Variants in FANCB observed in about 807,000 individuals in gnomAD.
The protein encoded by FANCB is FA complementation group B, also known as Fanconi anemia group B protein.
In FANCB, 5 loss-of-function variants were observed where a neutral mutation model predicts 38.9. The ratio of observed to expected loss-of-function variants is 0.13; its 90% CI spans 0.07 to 0.27. The LOEUF is 0.27. Among genes scored for constraint, FANCB ranks in the 10% least tolerant of loss-of-function variants. The probability of loss-of-function intolerance (pLI) is 1.00; values close to 1 mark genes in which losing one functional copy is unlikely to be tolerated. For missense variants in FANCB, 573 were observed against 602.7 expected (o/e 0.95, Z 0.52); for synonymous variants, 236 against 215.4 (o/e 1.10, Z -0.84).
At chrX:14,826,117 T>A in the FANCB span, among the ~76,000 whole-genome samples, 1 of 112,405 alleles carries the variant, frequency 8.9e-6, no homozygotes, top group East Asian at 2.8e-4. Context: ...TAAAGAAATT[T>A]CAATCTGCCT....
At chrX:14,844,036 C>A in intron 9 of FANCB, 55 bp from the exon 10 acceptor site, 1 of 1,004,451 alleles carries the variant, frequency 1.0e-6, no homozygotes, top group South Asian at 2.0e-5. Flanking sequence ...ACAAAGCAGT[C>A]ATGTACAATA....
At chrX:14,716,915 T>A in the FANCB span, among the ~76,000 whole-genome samples, 4 of 111,485 alleles carry the variant, frequency 3.6e-5, no homozygotes, top group African/African-American at 1.3e-4. Context: ...AGTGTTACCA[T>A]CAGTACCTTC....
At chrX:14,742,335 C>A in the FANCB span, among the ~76,000 whole-genome samples, 2 of 111,593 alleles carry the variant, frequency 1.8e-5, no homozygotes, top group African/African-American at 3.3e-5. Context: ...TCTACTTCCA[C>A]GTGATTATTT....
the FANCB span, among the ~76,000 whole-genome samples, chrX:14,702,167 A>C: frequency 9.8e-5 from 11 of 111,924 alleles, no homozygotes; most frequent in Non-Finnish European, 2.1e-4. Flanking sequence ...CATCATAAAA[A>C]GTTGAGTCAG....
At position 14,868,989 on chromosome X, in the gene FANCB, C is replaced by A. The variant is rs1436950915; in HGVS notation, c.-137G>T. 1 of 111,768 alleles carries A rather than the reference C, an allele frequency of 8.9e-6. No individual in the cohort carries two copies. Among genetic ancestry groups the A allele is most frequent in the Non-Finnish European group, 1.9e-5 (1 of 53,061 alleles). 9.2% of individuals were successfully genotyped at this position (111,768 alleles called of 1,213,427 possible). On this transcript the variant is annotated 5_prime_UTR_variant, in exon 2 of 10. The change abolishes an upstream ATG in the 5' untranslated region. Coordinates refer to ENST00000650831, the MANE Select transcript of FANCB (RefSeq NM_001018113.3). ...AGGCATCACAAAGTAGTTTCAGCTT[C>A]ATCAGTAAAGAAGATAGGGTAGGTA...
At chrX:14,764,148 G>C in the FANCB span, among the ~76,000 whole-genome samples, 2 of 111,408 alleles carry the variant, frequency 1.8e-5, no homozygotes, top group African/African-American at 3.3e-5. Context: ...TCTGTTTTGG[G>C]GTCTCCCAAG....
At chrX:14,699,927 T>C in the FANCB span, among the ~76,000 whole-genome samples, 2 of 111,761 alleles carry the variant, frequency 1.8e-5, no homozygotes, top group Non-Finnish European at 3.8e-5. Flanking sequence ...GAGCTAATGA[T>C]GAGAACGCAG....
chrX:14,842,242 G>A (rs2092357284), downstream of FANCB, among the ~76,000 whole-genome samples: 1 of 111,459 alleles, frequency 9.0e-6, no homozygotes, highest in African/African-American at 3.3e-5. Context: ...TGGATTACTA[G>A]GAAAGGAGGT....
chrX:14,801,802 T>C, the FANCB span, among the ~76,000 whole-genome samples: 2 of 110,655 alleles, frequency 1.8e-5, no homozygotes, highest in African/African-American at 6.6e-5. Context: ...GCCACCCTTC[T>C]ATTTATTCTT....
the FANCB span, among the ~76,000 whole-genome samples, chrX:14,801,314 T>C: frequency 1.8e-5 from 2 of 112,244 alleles, no homozygotes; most frequent in East Asian, 5.6e-4. Flanking sequence ...ATTCATCAGC[T>C]GATACTGATC....
the FANCB span, among the ~76,000 whole-genome samples, chrX:14,706,379 C>G: frequency 8.9e-6 from 1 of 112,242 alleles, no homozygotes; most frequent in East Asian, 2.8e-4. Context: ...GCAATATGCA[C>G]AGTCTAAAAC....
chrX:14,756,932 A>G, the FANCB span, among the ~76,000 whole-genome samples: 1,544 of 111,782 alleles, frequency 0.014, 31 homozygotes, highest in African/African-American at 0.048. Context: ...CATTTCTCCA[A>G]AGATAACACA....
downstream of FANCB, among the ~76,000 whole-genome samples, chrX:14,839,106 C>A (rs1390183396): frequency 9.0e-6 from 1 of 110,787 alleles, no homozygotes; most frequent in Non-Finnish European, 1.9e-5. Flanking sequence ...TGAGCCTGGC[C>A]AACATGGTGA....
chrX:14,763,995 G>A, the FANCB span, among the ~76,000 whole-genome samples: 1 of 111,745 alleles, frequency 8.9e-6, no homozygotes, highest in African/African-American at 3.3e-5. Flanking sequence ...ATCAGCCCTG[G>A]TGCAGTGCAA....
the FANCB span, among the ~76,000 whole-genome samples, chrX:14,740,959 T>TGCACACACACACACAC: frequency 1.8e-5 from 2 of 109,200 alleles, no homozygotes; most frequent in East Asian, 2.9e-4. Flanking sequence ...CACAAACACA[T>TGCACACACACACACAC]GCACACACAC....
chrX:14,835,159 T>A (rs762620161), downstream of FANCB: 1 of 534,883 alleles, frequency 1.9e-6, no homozygotes, highest in East Asian at 3.4e-5. Context: ...GTGCAGTTCA[T>A]CCTTTGCACC....
At chrX:14,849,105 G>C (rs747213706) in intron 7 of FANCB, among the ~76,000 whole-genome samples, 1 of 111,890 alleles carries the variant, frequency 8.9e-6, no homozygotes, top group African/African-American at 3.3e-5. Context: ...TTATAAACTA[G>C]TATAGCCTTG....
At chrX:14,797,560 T>C in the FANCB span, among the ~76,000 whole-genome samples, 1 of 109,322 alleles carries the variant, frequency 9.1e-6, no homozygotes, top group Non-Finnish European at 1.9e-5. Context: ...TGTGCACCTG[T>C]GGTCCCAGCT....
chrX:14,699,974 TTGGAGGG>T, the FANCB span, among the ~76,000 whole-genome samples: 2 of 111,202 alleles, frequency 1.8e-5, no homozygotes, highest in African/African-American at 3.3e-5. Context: ...CTGGGGTCTT[TTGGAGGG>T]TGGAGGGTGG....
Sources: allele counts gnomAD v4.1 joint callset (sites outside exome capture counted in the v4.1 genomes callset), GRCh38; gene constraint gnomAD v4.1.1; transcripts MANE v1.5; gene names NCBI Gene and HGNC (gene_info 2026-07-23, HGNC 2026-07-21).